SULT2B1: variants seen among roughly 807,000 people sequenced by gnomAD.
SULT2B1 encodes sulfotransferase 2B1.
In SULT2B1, 16 loss-of-function variants were observed where a neutral mutation model predicts 33.2. The observed-to-expected ratio is 0.48, with a 90% CI of 0.33 to 0.73. SULT2B1 has a LOEUF of 0.73. Ranked by LOEUF, SULT2B1 falls within the 30% of genes least tolerant of loss-of-function variation. SULT2B1 has a pLI of 0.02. For synonymous variants in SULT2B1, 186 were observed against 200.5 expected (o/e 0.93, Z 0.61); for missense variants, 500 against 506.0 (o/e 0.99, Z 0.11).
chr19:48,569,669 A>ACT (rs1568405993), intron 1 of SULT2B1, among the ~76,000 whole-genome samples: 2 of 146,916 alleles, frequency 1.4e-5, no homozygotes, highest in Non-Finnish European at 3.0e-5. Context: ...TGGCCTCAAG[A>ACT]TTGGTTTTTT....
chr19:48,574,372 G>C (rs1973374601), intron 1 of SULT2B1, among the ~76,000 whole-genome samples: 1 of 152,212 alleles, frequency 6.6e-6, no homozygotes, highest in African/African-American at 2.4e-5. Flanking sequence ...GAGTGGGGGA[G>C]GGACCCCCGA....
At chr19:48,589,190 T>C (rs1400959851) in intron 3 of SULT2B1, among the ~76,000 whole-genome samples, 3 of 151,946 alleles carry the variant, frequency 2.0e-5, no homozygotes, top group Admixed American at 6.6e-5. Flanking sequence ...CGGAGGTATT[T>C]TGAAGGTGAG....
At chr19:48,575,839 T>C (rs1973397461) in intron 1 of SULT2B1, 102 bp from the exon 2 acceptor site, 1 of 1,529,598 alleles carries the variant, frequency 6.5e-7, no homozygotes, top group Non-Finnish European at 8.8e-7. Flanking sequence ...ACTGAGGCTC[T>C]GAGGAGGAAG....
chr19:48,564,694 A>T (rs891842350), intron 1 of SULT2B1, among the ~76,000 whole-genome samples: 6 of 151,960 alleles, frequency 3.9e-5, no homozygotes, highest in African/African-American at 1.4e-4. Flanking sequence ...TCTTTTTTAC[A>T]GTGTCCCTTT....
intron 2 of SULT2B1, among the ~76,000 whole-genome samples, chr19:48,580,520 A>G (rs912299594): frequency 2.6e-5 from 4 of 152,034 alleles, no homozygotes; most frequent in African/African-American, 7.2e-5. Flanking sequence ...TCAGCCTCCC[A>G]AAGTGCTGGG....
At chr19:48,561,833 G>A (rs1973185140) in intron 1 of SULT2B1, among the ~76,000 whole-genome samples, 1 of 152,174 alleles carries the variant, frequency 6.6e-6, no homozygotes, top group Admixed American at 6.6e-5. Context: ...AATGGGCCTT[G>A]GCTGGGTGCA....
chr19:48,584,125 C>A (rs993099086), intron 2 of SULT2B1, among the ~76,000 whole-genome samples: 3 of 152,162 alleles, frequency 2.0e-5, no homozygotes, highest in African/African-American at 7.2e-5. Flanking sequence ...AAACAAAAAA[C>A]ACCACACACA....
At chr19:48,562,158 G>A (rs181809409) in intron 1 of SULT2B1, among the ~76,000 whole-genome samples, 7 of 151,488 alleles carry the variant, frequency 4.6e-5, no homozygotes, top group East Asian at 3.9e-4. Context: ...AGGCTGAGGC[G>A]GGCGGATCAC....
In SULT2B1 at chr19:48,552,394, T is replaced by C. The variant is rs929893462; in HGVS notation, c.71+71T>C. On this transcript the variant is annotated intron_variant, in intron 1 of 6. Coordinates refer to ENST00000201586, the MANE Select transcript of SULT2B1 (RefSeq NM_177973.2). The surrounding 1 kb of genome is among the most constrained non-coding windows in gnomAD (Gnocchi z 4.8). ...GTGGCTGTTTGGGGGAGCCGGGGAC[T>C]GTGGCAAGGGTGGCCTCCAGCCACC... 3 of 1,548,012 alleles carry C rather than the reference T, an allele frequency of 1.9e-6. No homozygotes were observed. Among genetic ancestry groups the C allele is most frequent in the African/African-American group, 1.4e-5 (1 of 73,572 alleles).
intron 2 of SULT2B1, among the ~76,000 whole-genome samples, chr19:48,584,741 C>A (rs1973540553): frequency 6.6e-6 from 1 of 151,454 alleles, no homozygotes; most frequent in Non-Finnish European, 1.5e-5. Flanking sequence ...CCCATCTCTA[C>A]AAAAATTTTA....
At chr19:48,591,763 G>T in intron 4 of SULT2B1, 28 bp downstream of exon 4, 1 of 1,541,588 alleles carries the variant, frequency 6.5e-7, no homozygotes. Context: ...CGGGGCAGGA[G>T]GGGTGGGGAG....
chr19:48,566,789 C>T (rs944539821), intron 1 of SULT2B1, among the ~76,000 whole-genome samples: 2 of 151,666 alleles, frequency 1.3e-5, no homozygotes, highest in East Asian at 3.9e-4. Flanking sequence ...TTGCAGTGAG[C>T]CAAAATTGTG....
At chr19:48,568,938 C>T (rs942547943) in intron 1 of SULT2B1, among the ~76,000 whole-genome samples, 30 of 152,198 alleles carry the variant, frequency 2.0e-4, no homozygotes, top group Non-Finnish European at 2.9e-5. Context: ...CTCCCTCTCT[C>T]GCTACCTTCA....
At chr19:48,587,183 T>C in intron 2 of SULT2B1, 46 bp from the exon 3 acceptor site, 1 of 1,408,734 alleles carries the variant, frequency 7.1e-7, no homozygotes, top group Non-Finnish European at 9.8e-7. Context: ...TATCTCCCTC[T>C]TCAGCCCTCC....
At position 48,576,001 on chromosome 19, in the gene SULT2B1, C is replaced by T. The variant is rs1973399948; in HGVS notation, c.132C>T (p.Tyr44=). ...YKGVPFPVGL[Y]SLESISLAEN... ...GCGTCCCCTTCCCCGTCGGCCTGTA[C>T]TCGCTCGAGAGCATCAGCTTGGCGG... Residue 44 remains tyrosine, a synonymous_variant, in exon 2 of 7, where the codon TAC becomes TAT. Coordinates refer to ENST00000201586, the MANE Select transcript of SULT2B1 (RefSeq NM_177973.2). 1 of 1,614,040 alleles carries T rather than the reference C, an allele frequency of 6.2e-7. No individual in the cohort carries two copies. Among genetic ancestry groups the T allele is most frequent in the South Asian group, 1.1e-5 (1 of 91,082 alleles).
chr19:48,553,434 A>G (rs1206318412), intron 1 of SULT2B1, among the ~76,000 whole-genome samples: 1 of 152,130 alleles, frequency 6.6e-6, no homozygotes, highest in East Asian at 1.9e-4. Flanking sequence ...CAGCTTCCCA[A>G]GTAACTGGGA....
chr19:48,559,393 CAG>C (rs1973146245), intron 1 of SULT2B1, among the ~76,000 whole-genome samples: 3 of 150,992 alleles, frequency 2.0e-5, no homozygotes, highest in African/African-American at 7.3e-5. Flanking sequence ...GTTTTGGAGA[CAG>C]AGTCTTGCTC....
In SULT2B1 at chr19:48,576,731, C is replaced by G. The variant is rs1973417848; in HGVS notation, c.214+648C>G. Among the ~76,000 whole-genome samples, 3 of 150,482 alleles carry G rather than the reference C, an allele frequency of 2.0e-5. No individual in the cohort carries two copies. The Admixed American group carries it at 2.0e-4, about 10-fold the overall frequency. On this transcript the variant is annotated intron_variant, in intron 2 of 6. Coordinates refer to ENST00000201586, the MANE Select transcript of SULT2B1 (RefSeq NM_177973.2). ...CTCGGCTCATTTCAGCCTTGACCTC[C>G]TGGACTCACATGATCCGCCCAACCT...
intron 1 of SULT2B1, among the ~76,000 whole-genome samples, chr19:48,556,981 G>C: frequency 6.6e-6 from 1 of 151,814 alleles, no homozygotes; most frequent in Non-Finnish European, 1.5e-5. Context: ...GGCCAGGCAT[G>C]GTGGCTCCTG....
Sources: gnomAD v4.1 joint callset for allele counts (sites outside exome capture counted in the v4.1 genomes callset) on GRCh38, gnomAD v4.1.1 for gene constraint, Gnocchi (gnomAD v3.1) non-coding constraint, MANE v1.5 for transcripts, NCBI Gene and HGNC (gene_info 2026-07-23, HGNC 2026-07-21) for gene names.